Variants in VTCN1 observed in about 807,000 individuals in gnomAD.
The protein encoded by VTCN1 is V-set domain-containing T-cell activation inhibitor 1.
In VTCN1, 26 loss-of-function variants were observed where a neutral mutation model predicts 26.5. The ratio of observed to expected loss-of-function variants is 0.98; its 90% CI spans 0.72 to 1.36. The LOEUF (loss-of-function observed/expected upper bound fraction) is 1.36, where lower values mean the gene tolerates loss of function less well. VTCN1 is among the 40% of genes most tolerant of loss of function. VTCN1 has a pLI of 0.00. For synonymous variants in VTCN1, 116 were observed against 130.7 expected, an observed-to-expected ratio of 0.89 and a Z score of 0.77; for missense variants, 298 against 337.7, an observed-to-expected ratio of 0.88 and a Z score of 0.92.
At chr1:117,191,008 CAG>C (rs2101578654) in intron 1 of VTCN1, among the ~76,000 whole-genome samples, 1 of 152,144 alleles carries the variant, frequency 6.6e-6, no homozygotes, top group Non-Finnish European at 1.5e-5. Flanking sequence ...AGAACACAGA[CAG>C]ACCATTAAAC....
intron 3 of VTCN1, 45 bp downstream of exon 3, chr1:117,156,529 A>C (rs764470941): frequency 4.0e-6 from 6 of 1,499,078 alleles, no homozygotes; most frequent in Non-Finnish European, 5.3e-6. Context: ...TTTAGCCTCA[A>C]ATACTTTTGG....
At position 117,145,482 on chromosome 1, in the gene VTCN1, T is replaced by C. The variant is rs945187011; in HGVS notation, c.*46-257A>G. On this transcript the variant is annotated intron_variant, in intron 5 of 5. Coordinates refer to ENST00000369458, the MANE Select transcript of VTCN1 (RefSeq NM_024626.4). The surrounding 1 kb of genome is among the most constrained non-coding windows in gnomAD (Gnocchi z 4.6). ...AAGGAAGAGAAGAGATGGGTCCTTATAGTAAATGAGAACTGAGAGGAGTCT... is the reference window on the plus strand; with the variant it reads ...AAGGAAGAGAAGAGATGGGTCCTTACAGTAAATGAGAACTGAGAGGAGTCT... Among the ~76,000 whole-genome samples the C allele has an allele frequency of 1.3e-5, 2 of 152,166 alleles. No individual in the cohort carries two copies. Among genetic ancestry groups the C allele is most frequent in the African/African-American group, 4.8e-5 (2 of 41,440 alleles).
intron 3 of VTCN1, 92 bp from the exon 4 acceptor site, chr1:117,153,461 A>AT (rs57126217): frequency 0.053 from 58,701 of 1,113,396 alleles, 585 homozygotes; most frequent in African/African-American, 0.16. Context: ...AAATGCAGTC[A>AT]TTTTTTTTTT....
chr1:117,165,787 T>G (rs1481910955), intron 2 of VTCN1, among the ~76,000 whole-genome samples: 1 of 152,222 alleles, frequency 6.6e-6, no homozygotes, highest in East Asian at 1.9e-4. Flanking sequence ...AAGAACGGCC[T>G]AATACATATC....
At chr1:117,188,265 G>C (rs553380410) in intron 1 of VTCN1, among the ~76,000 whole-genome samples, 14 of 152,234 alleles carry the variant, frequency 9.2e-5, no homozygotes, top group African/African-American at 3.1e-4. Context: ...CAGAGAGAGG[G>C]AACACAGAGA....
In VTCN1 at chr1:117,159,079, A is replaced by G. The variant is rs1180731533; in HGVS notation, c.98-2158T>C. 6.6e-6 allele frequency among the ~76,000 whole-genome samples: 1 copy of G among 152,028 alleles called. No homozygotes were observed. Among genetic ancestry groups the G allele is most frequent in the Non-Finnish European group, 1.5e-5 (1 of 68,018 alleles). On this transcript the variant is annotated intron_variant, in intron 2 of 5. Coordinates refer to ENST00000369458, the MANE Select transcript of VTCN1 (RefSeq NM_024626.4). This position sits in a 1 kb window ranked among gnomAD's most constrained non-coding sequence, Gnocchi z 4.7. ...TCTAGGAAGTTTCAAAATTTCCCAC[A>G]TTTTCCTGTCTTCTTCTGAGCTCTC...
intron 1 of VTCN1, among the ~76,000 whole-genome samples, chr1:117,185,179 C>A (rs1294549592): frequency 6.6e-6 from 1 of 152,140 alleles, no homozygotes; most frequent in Non-Finnish European, 1.5e-5. Context: ...ATATTTCAGT[C>A]AAATACAACA....
Position 117,195,262 on chromosome 1 carries a change from AAATAATAATAATAATAAT to A in VTCN1, c.32+15544_32+15561del, listed in dbSNP as rs61710825. ...GGAGAGAGAGCAAGACTCCGTCTCAAAATAATAATAATAATAATAATAATAATAATAATAATAATATTG... is the reference window on the plus strand; with the variant it reads ...GGAGAGAGAGCAAGACTCCGTCTCAAAATAATAATAATAATAATAATATTG... On this transcript the variant is annotated intron_variant, in intron 1 of 5. Coordinates refer to ENST00000369458, the MANE Select transcript of VTCN1 (RefSeq NM_024626.4). Among the ~76,000 whole-genome samples, 25 of 142,498 alleles carry A rather than the reference AAATAATAATAATAATAAT, an allele frequency of 1.8e-4. No homozygotes were observed. In the East Asian group the frequency reaches 4.5e-3, roughly 26 times the overall value. 93.5% of individuals were successfully genotyped at this position (142,498 alleles called of 152,430 possible).
At chr1:117,209,415 C>A (rs985426539) in intron 1 of VTCN1, among the ~76,000 whole-genome samples, 4 of 152,098 alleles carry the variant, frequency 2.6e-5, no homozygotes, top group Admixed American at 1.3e-4. Flanking sequence ...GGAGCAGGGG[C>A]AAGGGTGGCA....
intron 1 of VTCN1, 148 bp downstream of exon 1, chr1:117,210,676 G>C (rs1410841754): frequency 2.4e-6 from 2 of 819,748 alleles, no homozygotes; most frequent in African/African-American, 1.7e-5. Context: ...TTAGGCTCTT[G>C]TCTGGCCAGG....
chr1:117,164,125 T>C (rs930105446), intron 2 of VTCN1, among the ~76,000 whole-genome samples: 1 of 151,696 alleles, frequency 6.6e-6, no homozygotes, highest in African/African-American at 2.4e-5. Context: ...TCCCAGAGAG[T>C]ATCTGAGAAC....
intron 1 of VTCN1, among the ~76,000 whole-genome samples, chr1:117,205,083 ATATG>A (rs1171477676): frequency 1.5e-4 from 1 of 6,870 alleles, no homozygotes; most frequent in African/African-American, 1.7e-4. Context: ...ATGTACATGT[ATATG>A]TATGTATGTA....
At chr1:117,193,901 T>C (rs1254100892) in intron 1 of VTCN1, among the ~76,000 whole-genome samples, 9 of 152,078 alleles carry the variant, frequency 5.9e-5, no homozygotes, top group African/African-American at 2.2e-4. Flanking sequence ...AATATAAGAC[T>C]CAAAACTCAA....
chr1:117,188,255 CAG>C (rs1157929906), intron 1 of VTCN1, among the ~76,000 whole-genome samples: 1 of 152,092 alleles, frequency 6.6e-6, no homozygotes, highest in African/African-American at 2.4e-5. Flanking sequence ...CAGACAGAGA[CAG>C]AGAGAGGGAA....
At chr1:117,153,720 G>A (rs1240754386) in intron 3 of VTCN1, among the ~76,000 whole-genome samples, 1 of 152,134 alleles carries the variant, frequency 6.6e-6, no homozygotes, top group South Asian at 2.1e-4. Context: ...CATTTTCCTA[G>A]GGATCTGTGA....
At chr1:117,205,995 C>G (rs897584330) in intron 1 of VTCN1, among the ~76,000 whole-genome samples, 3 of 152,060 alleles carry the variant, frequency 2.0e-5, no homozygotes, top group African/African-American at 7.2e-5. Flanking sequence ...TCTCACCCAC[C>G]CTGAAGCTCT....
intron 1 of VTCN1, among the ~76,000 whole-genome samples, chr1:117,207,997 A>G (rs1482847460): frequency 6.6e-6 from 1 of 151,940 alleles, no homozygotes; most frequent in Non-Finnish European, 1.5e-5. Flanking sequence ...GACGAAAACC[A>G]CCTTGACCCC....
At chr1:117,173,080 C>G (rs545327893) in intron 1 of VTCN1, 1 of 700,624 alleles carries the variant, frequency 1.4e-6, no homozygotes, top group South Asian at 1.5e-5. Flanking sequence ...CGTGAAGGAC[C>G]GCAGCTTCAT....
chr1:117,209,157 C>T (rs1161825444), intron 1 of VTCN1, among the ~76,000 whole-genome samples: 1 of 152,194 alleles, frequency 6.6e-6, no homozygotes, highest in Non-Finnish European at 1.5e-5. Context: ...ACAAGGCATG[C>T]AGGAGCCAAC....
Sources: gnomAD v4.1 joint callset for allele counts (sites outside exome capture counted in the v4.1 genomes callset) on GRCh38, gnomAD v4.1.1 for gene constraint, Gnocchi (gnomAD v3.1) non-coding constraint, MANE v1.5 for transcripts, NCBI Gene and HGNC (gene_info 2026-07-23, HGNC 2026-07-21) for gene names.